CLK3: variants seen among roughly 807,000 people sequenced by gnomAD.
CLK3 encodes dual specificity protein kinase CLK3.
CLK3 carries 24 observed loss-of-function variants against 65.2 expected under a neutral mutation model. That is an observed-to-expected ratio of 0.37 (90% confidence interval 0.27 to 0.52). The LOEUF is 0.52. Among genes scored for constraint, CLK3 ranks in the 20% least tolerant of loss-of-function variants. The probability of loss-of-function intolerance (pLI) is 0.92; values close to 1 mark genes in which losing one functional copy is unlikely to be tolerated. For missense variants in CLK3, 506 were observed against 660.0 expected, an observed-to-expected ratio of 0.77 and a Z score of 2.56; for synonymous variants, 252 against 240.8, an observed-to-expected ratio of 1.05 and a Z score of -0.43.
chr15:74,610,588 A>G (rs1262283479), intron 1 of CLK3, among the ~76,000 whole-genome samples: 1 of 152,198 alleles, frequency 6.6e-6, no homozygotes, highest in Non-Finnish European at 1.5e-5. Flanking sequence ...TATACAAGGG[A>G]CTGTGCCCTG....
intron 1 of CLK3, 35 bp downstream of exon 1, chr15:74,615,933 G>A (rs1031448268): frequency 3.9e-5 from 48 of 1,215,538 alleles, no homozygotes; most frequent in Non-Finnish European, 4.8e-5. Flanking sequence ...CGGCGACAGC[G>A]GCGGCGGCGG....
intron 12 of CLK3, 83 bp from the exon 13 acceptor site, chr15:74,629,624 C>T (rs1442771680): frequency 8.0e-7 from 1 of 1,249,164 alleles, no homozygotes; most frequent in East Asian, 2.4e-5. Flanking sequence ...TCCAGTCCAG[C>T]AAGGCGTCCC....
At position 74,620,194 on chromosome 15, in the gene CLK3, G is replaced by A. The variant is rs141693165; in HGVS notation, c.338G>A (p.Arg113His). The A allele has an allele frequency of 9.3e-5, 150 of 1,613,964 alleles. No homozygotes were observed. The highest frequency in any genetic ancestry group is 6.6e-4 in the Middle Eastern group (4 of 6,084). Residue 113 changes from arginine (R) to histidine (H), a missense_variant, in exon 3 of 13, where the codon CGC (arginine) becomes CAC (histidine). Coordinates refer to ENST00000395066, the MANE Select transcript of CLK3 (RefSeq NM_001130028.2). ...TRKHAHHCHKRRTRSCSSASS... is the reference protein window; with the variant it reads ...TRKHAHHCHKHRTRSCSSASS... ...AAGCATGCCCACCACTGCCACAAAC[G>A]CCGCACCAGGTCTTGTAGCAGCGCC...
intron 1 of CLK3, 109 bp downstream of exon 1, chr15:74,616,007 T>C (rs1405453495): frequency 1.6e-5 from 14 of 872,236 alleles, no homozygotes; most frequent in Non-Finnish European, 2.0e-5. Flanking sequence ...TCCCTTTCTT[T>C]CTCCTCTTCG....
rs751867029 is a variant in CLK3, at chr15:74,622,023, G to A, written c.370-97G>A. 5 of 1,141,348 alleles carry A rather than the reference G, an allele frequency of 4.4e-6. No individual in the cohort carries two copies. The highest frequency in any genetic ancestry group is 1.5e-5 in the African/African-American group (1 of 65,912). The allele number at this position is 1,141,348 out of a possible 1,614,324, so 70.7% of individuals were successfully genotyped here. On this transcript the variant is annotated intron_variant, in intron 3 of 12. Transcript: ENST00000395066. The surrounding 1 kb of genome is among the most constrained non-coding windows in gnomAD (Gnocchi z 4.6). ...CCAACCAACCCACCGGCTCCTCACC[G>A]TCTCCACCTCTGCCTTTGACTGACA... is the stretch of plus-strand genomic sequence containing the variant.
At position 74,624,871 on chromosome 15, in the gene CLK3, T is replaced by C. The variant is rs765826621; in HGVS notation, c.534-31T>C. On this transcript the variant is annotated intron_variant, in intron 5 of 12. Coordinates refer to ENST00000395066, the MANE Select transcript of CLK3 (RefSeq NM_001130028.2). This position sits in a 1 kb window ranked among gnomAD's most constrained non-coding sequence, Gnocchi z 4.2. Reference sequence around the variant, plus strand: ...TGGGGAAGGACTGGGCAGCTGCTGATGAGAACCTCTGTTTCCTTCCCGGGT... The same window carrying C: ...TGGGGAAGGACTGGGCAGCTGCTGACGAGAACCTCTGTTTCCTTCCCGGGT... 4 of 1,531,572 alleles carry C rather than the reference T, an allele frequency of 2.6e-6. No homozygotes were observed. The highest frequency in any genetic ancestry group is 2.3e-5 in the East Asian group (1 of 43,836). The allele number at this position is 1,531,572 out of a possible 1,614,324, so 94.9% of individuals were successfully genotyped here. A position where few individuals can be genotyped will look rare whatever the true frequency, so the allele number is the denominator to read the frequency against.
intron 7 of CLK3, 67 bp downstream of exon 7, chr15:74,626,035 G>A: frequency 6.5e-7 from 1 of 1,546,776 alleles, no homozygotes; most frequent in East Asian, 2.2e-5. Flanking sequence ...CTGGTTACTT[G>A]TTGTCCCCAT....
chr15:74,626,255 C>T (rs1387883374), intron 7 of CLK3, among the ~76,000 whole-genome samples: 2 of 152,248 alleles, frequency 1.3e-5, no homozygotes, highest in African/African-American at 4.8e-5. Flanking sequence ...ACCACCAACC[C>T]TGCCTCCCTG....
In CLK3 at chr15:74,629,871, C is replaced by T. The variant is rs1382749161; in HGVS notation, c.1461C>T (p.Asn487=). 1.2e-6 allele frequency: 2 copies of T among 1,609,230 alleles called. No individual in the cohort carries two copies. The highest frequency in any genetic ancestry group is 1.1e-5 in the South Asian group (1 of 90,268). ...AGCGGTCCTTCCACACCAGCCGCAA[C>T]CCAAGCAGATGACAGGCACAGGCCA... ...PEERSFHTSR[N]PSR Residue 487 remains asparagine, a synonymous_variant, in exon 13 of 13, where the codon AAC becomes AAT. Transcript: ENST00000395066.
At chr15:74,628,898 C>A in intron 11 of CLK3, 44 bp from the exon 12 acceptor site, 1 of 1,399,710 alleles carries the variant, frequency 7.1e-7, no homozygotes, top group Non-Finnish European at 1.0e-6. Context: ...AGAGGCTTGT[C>A]CCCTTACTAC....
In CLK3 at chr15:74,627,926, G is replaced by C. The variant is rs769806155; in HGVS notation, c.1043-44G>C. 2 of 1,479,370 alleles carry C rather than the reference G, an allele frequency of 1.4e-6. No individual in the cohort carries two copies. Among genetic ancestry groups the C allele is most frequent in the Non-Finnish European group, 1.9e-6 (2 of 1,057,672 alleles). 91.6% of individuals were successfully genotyped at this position (1,479,370 alleles called of 1,614,324 possible). On this transcript the variant is annotated intron_variant, in intron 9 of 12. Coordinates refer to ENST00000395066, the MANE Select transcript of CLK3 (RefSeq NM_001130028.2). The surrounding 1 kb of genome is among the most constrained non-coding windows in gnomAD (Gnocchi z 4.3). ...CTGCCTTGTGACTTCCAGGCTGGAA[G>C]CATAAGGCCGGATCTCACAGCCTCT...
chr15:74,614,458 G>A (rs2062029170), upstream of CLK3, among the ~76,000 whole-genome samples: 1 of 152,222 alleles, frequency 6.6e-6, no homozygotes, highest in African/African-American at 2.4e-5. Context: ...TGGAACTACA[G>A]GCATGCGCCA....
chr15:74,627,478 T>C lies in CLK3; in HGVS notation c.912+32T>C. ...GTGGGGGTAAGGGTGAGGCCCTGTT[T>C]CAGGGGTGGGTTACCCGCTGGTGCA... On this transcript the variant is annotated intron_variant, in intron 8 of 12. Transcript: ENST00000395066. The surrounding 1 kb of genome is among the most constrained non-coding windows in gnomAD (Gnocchi z 4.3). 1 of 1,614,218 alleles carries C rather than the reference T, an allele frequency of 6.2e-7. No homozygotes were observed. The highest frequency in any genetic ancestry group is 8.5e-7 in the Non-Finnish European group (1 of 1,180,006).
chr15:74,619,937 C>G, intron 2 of CLK3, 72 bp from the exon 3 acceptor site: 2 of 1,604,584 alleles, frequency 1.2e-6, no homozygotes, highest in East Asian at 4.5e-5. Flanking sequence ...TTTACAGTGG[C>G]CTTACCACAG....
upstream of CLK3, chr15:74,615,543 G>A (rs774251974): frequency 5.0e-5 from 64 of 1,282,518 alleles, no homozygotes; most frequent in Non-Finnish European, 6.1e-5. Flanking sequence ...GCCAGGTCGG[G>A]GCCCCACCTC....
rs763285482 is a variant in CLK3, at chr15:74,629,899, G to A, written c.*16G>A. On this transcript the variant is annotated 3_prime_UTR_variant, in exon 13 of 13. Coordinates refer to ENST00000395066, the MANE Select transcript of CLK3 (RefSeq NM_001130028.2). ...AAGCAGATGACAGGCACAGGCCACC[G>A]CATGAGGAGATGGAGGGCGGGACTG... The A allele has an allele frequency of 1.1e-5, 17 of 1,599,364 alleles. No individual in the cohort carries two copies. Among genetic ancestry groups the A allele is most frequent in the Admixed American group, 6.9e-5 (4 of 58,016 alleles).
chr15:74,620,360 A>C (rs1018098172), intron 3 of CLK3, 135 bp downstream of exon 3: 3 of 1,232,668 alleles, frequency 2.4e-6, no homozygotes, highest in Non-Finnish European at 3.4e-6. Context: ...GTGTGTGTGT[A>C]TGTGTTGTCT....
upstream of CLK3, among the ~76,000 whole-genome samples, chr15:74,612,101 A>G (rs546352906): frequency 6.6e-6 from 1 of 152,240 alleles, no homozygotes; most frequent in Admixed American, 6.5e-5. Context: ...GAGGCGCAGC[A>G]GGCACTCCTG....
At chr15:74,615,947 G>C in intron 1 of CLK3, 49 bp downstream of exon 1, 1 of 1,214,082 alleles carries the variant, frequency 8.2e-7, no homozygotes, top group Non-Finnish European at 1.0e-6. Flanking sequence ...GCGGCGGCCG[G>C]GGGTGAGTCG....
Sources: gnomAD v4.1 joint callset for allele counts (sites outside exome capture counted in the v4.1 genomes callset) on GRCh38, gnomAD v4.1.1 for gene constraint, Gnocchi (gnomAD v3.1) non-coding constraint, MANE v1.5 for transcripts, NCBI Gene and HGNC (gene_info 2026-07-23, HGNC 2026-07-21) for gene names.